Variants in FRY observed in about 807,000 individuals in gnomAD.
FRY encodes the protein protein furry homolog.
FRY carries 128 observed loss-of-function variants against 348.4 expected under a neutral mutation model. That is an observed-to-expected ratio of 0.37 (90% CI 0.32 to 0.43). The LOEUF is 0.43. Among genes scored for constraint, FRY ranks in the 20% least tolerant of loss-of-function variants. The probability of loss-of-function intolerance (pLI) is 1.00; values close to 1 mark genes in which losing one functional copy is unlikely to be tolerated. For synonymous variants in FRY, 1,370 were observed against 1,374.7 expected, an observed-to-expected ratio of 1.00 and a Z score of 0.08; for missense variants, 2,736 against 3,695.2, an observed-to-expected ratio of 0.74 and a Z score of 6.73.
At chr13:32,229,908 C>G (rs551857254) in intron 40 of FRY, among the ~76,000 whole-genome samples, 9 of 152,118 alleles carry the variant, frequency 5.9e-5, no homozygotes, top group Non-Finnish European at 1.3e-4. Flanking sequence ...AAGCACTGTT[C>G]TGGTGAATTG....
chr13:32,180,475 T>C (rs1364651806), intron 23 of FRY, among the ~76,000 whole-genome samples: 1 of 152,226 alleles, frequency 6.6e-6, no homozygotes, highest in Non-Finnish European at 1.5e-5. Context: ...CCTCAAGTGA[T>C]CCACCCGCCT....
chr13:32,091,242 G>C (rs1214432496), intron 2 of FRY, among the ~76,000 whole-genome samples: 1 of 152,172 alleles, frequency 6.6e-6, no homozygotes, highest in Non-Finnish European at 1.5e-5. Context: ...TACAAACTGA[G>C]GCAGGTTATC....
intron 23 of FRY, among the ~76,000 whole-genome samples, chr13:32,182,355 G>A (rs879647366): frequency 6.6e-6 from 1 of 152,104 alleles, no homozygotes; most frequent in Non-Finnish European, 1.5e-5. Flanking sequence ...GGTTTTGATG[G>A]GAATCTCACA....
chr13:32,178,563 C>A, intron 21 of FRY, 127 bp downstream of exon 21: 1 of 1,101,058 alleles, frequency 9.1e-7, no homozygotes. Context: ...GAATTCTTAA[C>A]ATTGAGTAAA....
intron 40 of FRY, among the ~76,000 whole-genome samples, chr13:32,230,747 A>G (rs528181209): frequency 2.0e-5 from 3 of 152,290 alleles, no homozygotes; most frequent in African/African-American, 7.2e-5. Context: ...GTCTTCCACA[A>G]TGGTTGAACT....
At chr13:32,043,978 T>C (rs1339530884) in intron 1 of FRY, among the ~76,000 whole-genome samples, 1 of 152,032 alleles carries the variant, frequency 6.6e-6, no homozygotes, top group Non-Finnish European at 1.5e-5. Flanking sequence ...GAGAAGTGCT[T>C]GAGGCCAGGA....
In FRY at chr13:32,296,729, C is replaced by T. The variant is rs1449491153; in HGVS notation, c.*1269C>T. On this transcript the variant is annotated 3_prime_UTR_variant, in exon 61 of 61. Transcript: ENST00000542859. ...CATGTGGGTTGCCAAAGTAATAACC[C>T]CAAGGGGCACCCCTCGCATGTATGA... The T allele has an allele frequency of 2.0e-5, 3 of 152,218 alleles. No homozygotes were observed. Among genetic ancestry groups the T allele is most frequent in the African/African-American group, 7.2e-5 (3 of 41,424 alleles). The allele number at this position is 152,218 out of a possible 1,614,324, so 9.4% of individuals were successfully genotyped here.
intron 10 of FRY, 123 bp from the exon 11 acceptor site, chr13:32,136,748 G>A: frequency 1.3e-6 from 1 of 754,552 alleles, no homozygotes; most frequent in South Asian, 1.4e-5. Context: ...GTGCTACACA[G>A]TGTCCTGTTT....
rs1446573689 is a variant in FRY, at chr13:32,161,150, G to A, written c.1791G>A (p.Glu597=). 6.2e-7 allele frequency: 1 copy of A among 1,606,424 alleles called. No individual in the cohort carries two copies. Among genetic ancestry groups the A allele is most frequent in the East Asian group, 2.2e-5 (1 of 44,814 alleles). The change falls in exon 17 of 61, where the codon GAG becomes GAA. Residue 597 remains glutamate, a synonymous_variant. Transcript: ENST00000542859. ...TTTTGTCTTCTAATTCTAGGGGTGA[G>A]AGAAAGCCAAAAATAGATCTTTTCA... ...NKEPEDMITG[E]RKPKIDLFRT...
Position 32,184,708 on chromosome 13 carries a change from A to G in FRY, c.3146+17A>G, listed in dbSNP as rs1050007856. Reference sequence around the variant, plus strand: ...AAGTGACAGGTAGGATCAGAATTCTACCGAGTTGCTCTCTTCTCACCAGAC... The same window carrying G: ...AAGTGACAGGTAGGATCAGAATTCTGCCGAGTTGCTCTCTTCTCACCAGAC... On this transcript the variant is annotated intron_variant, in intron 25 of 60. Coordinates refer to ENST00000542859, the MANE Select transcript of FRY (RefSeq NM_023037.3). 63 of 1,374,506 alleles carry G rather than the reference A, an allele frequency of 4.6e-5. No homozygotes were observed. The highest frequency in any genetic ancestry group is 6.6e-5 in the Non-Finnish European group (63 of 961,536). The allele number at this position is 1,374,506 out of a possible 1,614,324, so 85.1% of individuals were successfully genotyped here.
At chr13:32,090,252 G>GC (rs1345655068) in intron 2 of FRY, among the ~76,000 whole-genome samples, 1 of 151,670 alleles carries the variant, frequency 6.6e-6, no homozygotes, top group Non-Finnish European at 1.5e-5. Flanking sequence ...GGAGGCTGAG[G>GC]CGGGAGAATG....
At position 32,274,552 on chromosome 13, in the gene FRY, A is replaced by C. The variant is rs577851918; in HGVS notation, c.8137-290A>C. ...ACCCCGTCTCTACTAAAAATACAAAAAATTAGCCAGGCGTGGTGGCAGGCA... is the reference window on the plus strand; with the variant it reads ...ACCCCGTCTCTACTAAAAATACAAACAATTAGCCAGGCGTGGTGGCAGGCA... On this transcript the variant is annotated intron_variant, in intron 55 of 60. Transcript: ENST00000542859. 3.7e-3 allele frequency among the ~76,000 whole-genome samples: 557 copies of C among 151,806 alleles called. 3 individuals are homozygous for C. Among genetic ancestry groups the C allele is most frequent in the Non-Finnish European group, 5.8e-3 (391 of 67,920 alleles).
chr13:32,263,735 G>T (rs1160380809), intron 53 of FRY, among the ~76,000 whole-genome samples: 2 of 152,180 alleles, frequency 1.3e-5, no homozygotes, highest in Non-Finnish European at 1.5e-5. Flanking sequence ...AAGGCCAGGC[G>T]CTTTGGCTCA....
At chr13:32,052,105 T>G (rs1873362595) in intron 1 of FRY, among the ~76,000 whole-genome samples, 1 of 152,214 alleles carries the variant, frequency 6.6e-6, no homozygotes, top group Non-Finnish European at 1.5e-5. Flanking sequence ...TATATTCTAG[T>G]CCTTTTTCCT....
At chr13:32,072,152 A>G (rs1349201109) in intron 1 of FRY, among the ~76,000 whole-genome samples, 1 of 152,226 alleles carries the variant, frequency 6.6e-6, no homozygotes, top group Non-Finnish European at 1.5e-5. Context: ...TTGAAGGAAC[A>G]CAATGTGAGA....
intron 1 of FRY, among the ~76,000 whole-genome samples, chr13:32,038,087 A>G (rs1872608772): frequency 6.6e-6 from 1 of 152,202 alleles, no homozygotes; most frequent in Admixed American, 6.5e-5. Flanking sequence ...TGCACTGAGT[A>G]TTAATTAGCT....
chr13:32,197,279 T>C (rs1593726209), intron 29 of FRY, among the ~76,000 whole-genome samples: 1 of 152,332 alleles, frequency 6.6e-6, no homozygotes, highest in East Asian at 1.9e-4. Context: ...TCTTCCTAAT[T>C]TAAGTCAGGC....
At chr13:32,209,531 T>G (rs903866717) in intron 32 of FRY, 54 bp from the exon 33 acceptor site, 4 of 1,582,748 alleles carry the variant, frequency 2.5e-6, no homozygotes, top group Non-Finnish European at 3.5e-6. Context: ...GTCAAACCTT[T>G]TGCGTCCTTA....
intron 29 of FRY, among the ~76,000 whole-genome samples, chr13:32,196,182 AT>A (rs1193077757): frequency 6.6e-6 from 1 of 152,188 alleles, no homozygotes. Flanking sequence ...TGCAAACTGA[AT>A]TTTATTTTAA....
Sources: gnomAD v4.1 joint callset for allele counts (sites outside exome capture counted in the v4.1 genomes callset) on GRCh38, gnomAD v4.1.1 for gene constraint, MANE v1.5 for transcripts, NCBI Gene and HGNC (gene_info 2026-07-23, HGNC 2026-07-21) for gene names.